AOAH: variants seen among roughly 807,000 people sequenced by gnomAD.
AOAH encodes the protein acyloxyacyl hydrolase (neutrophil).
AOAH carries 64 observed loss-of-function variants against 92.2 expected under a neutral mutation model. The observed-to-expected ratio is 0.69, with a 90% CI of 0.57 to 0.86. The LOEUF is 0.86. AOAH is among the 40% of genes least tolerant of loss of function. The pLI is 0.00. For missense variants in AOAH, 656 were observed against 694.6 expected, an observed-to-expected ratio of 0.94 and a Z score of 0.62; for synonymous variants, 263 against 254.5, an observed-to-expected ratio of 1.03 and a Z score of -0.32.
chr7:36,619,325 T>A (rs970429483), intron 9 of AOAH, among the ~76,000 whole-genome samples: 7 of 152,110 alleles, frequency 4.6e-5, no homozygotes, highest in African/African-American at 1.7e-4. Context: ...GATATGTCCT[T>A]CTCCCATCAC....
At chr7:36,605,972 C>T (rs1790971552) in intron 11 of AOAH, among the ~76,000 whole-genome samples, 1 of 152,234 alleles carries the variant, frequency 6.6e-6, no homozygotes, top group Non-Finnish European at 1.5e-5. Context: ...CACCTAGCAT[C>T]TTTAATCCGC....
intron 1 of AOAH, among the ~76,000 whole-genome samples, chr7:36,697,553 G>A (rs1158913448): frequency 6.6e-6 from 1 of 152,130 alleles, no homozygotes; most frequent in African/African-American, 2.4e-5. Context: ...AAAGTGAAAT[G>A]TGTTTCTTCC....
chr7:36,594,229 G>C, intron 12 of AOAH, 110 bp downstream of exon 12: 2 of 836,628 alleles, frequency 2.4e-6, no homozygotes, highest in South Asian at 3.0e-5. Flanking sequence ...TCATGTTCTA[G>C]AAGCAGTTCC....
At chr7:36,716,819 G>C (rs937896687) in intron 1 of AOAH, among the ~76,000 whole-genome samples, 1 of 151,750 alleles carries the variant, frequency 6.6e-6, no homozygotes, top group Non-Finnish European at 1.5e-5. Context: ...ACCGGGGCCT[G>C]TTGTGGGGTG....
chr7:36,672,037 G>C (rs1009000010), intron 3 of AOAH, among the ~76,000 whole-genome samples: 9 of 152,210 alleles, frequency 5.9e-5, no homozygotes. Context: ...CAATGGGCAA[G>C]TTTGTAGGCC....
At chr7:36,678,608 C>CGTGCGT (rs1554314450) in intron 2 of AOAH, among the ~76,000 whole-genome samples, 2 of 118,480 alleles carry the variant, frequency 1.7e-5, no homozygotes, top group East Asian at 2.5e-4. Flanking sequence ...TGTGCGCGCG[C>CGTGCGT]GCGCGCGTTA....
At chr7:36,718,880 C>A (rs1799433487) in intron 1 of AOAH, among the ~76,000 whole-genome samples, 1 of 152,064 alleles carries the variant, frequency 6.6e-6, no homozygotes, top group South Asian at 2.1e-4. Flanking sequence ...ATGCACAACT[C>A]ATGAATATAC....
chr7:36,607,241 C>T (rs3735389), intron 11 of AOAH, among the ~76,000 whole-genome samples: 2,466 of 152,294 alleles, frequency 0.016, 80 homozygotes, highest in East Asian at 0.094. Flanking sequence ...GAAGTATCAA[C>T]TAGCCTCATA....
intron 1 of AOAH, among the ~76,000 whole-genome samples, chr7:36,711,212 C>G (rs1798751262): frequency 6.6e-6 from 1 of 152,104 alleles, no homozygotes; most frequent in Admixed American, 6.6e-5. Context: ...TTCATTCTGT[C>G]TAGGAAAATA....
At chr7:36,653,354 C>G (rs1042922863) in intron 4 of AOAH, among the ~76,000 whole-genome samples, 4 of 152,116 alleles carry the variant, frequency 2.6e-5, no homozygotes, top group African/African-American at 9.7e-5. Context: ...TTATTTGACA[C>G]CTAGTGTTTA....
intron 12 of AOAH, among the ~76,000 whole-genome samples, chr7:36,577,935 C>T (rs1291777722): frequency 6.6e-6 from 1 of 152,160 alleles, no homozygotes; most frequent in Admixed American, 6.5e-5. Context: ...TATTACAGTG[C>T]TTGGCAACTG....
At chr7:36,523,639 T>TTTG (rs1265998003) in intron 19 of AOAH, among the ~76,000 whole-genome samples, 1 of 143,944 alleles carries the variant, frequency 6.9e-6, no homozygotes, top group African/African-American at 2.6e-5. Context: ...GTTTTTTTTT[T>TTTG]TTTTTTTTTT....
At chr7:36,674,050 C>A (rs190062574) in intron 2 of AOAH, 41 bp from the exon 3 acceptor site, 4 of 1,238,182 alleles carry the variant, frequency 3.2e-6, no homozygotes, top group Admixed American at 1.8e-5. Flanking sequence ...ATTTTTATTG[C>A]GACGAATTTA....
At position 36,614,384 on chromosome 7, in the gene AOAH, C is replaced by T. The variant is rs1257407457; in HGVS notation, c.846+1996G>A. Among the ~76,000 whole-genome samples, 2 of 152,202 alleles carry T rather than the reference C, an allele frequency of 1.3e-5. No homozygotes were observed. Among genetic ancestry groups the T allele is most frequent in the Non-Finnish European group, 2.9e-5 (2 of 68,042 alleles). On this transcript the variant is annotated intron_variant, in intron 11 of 20. Coordinates refer to ENST00000617537, the MANE Select transcript of AOAH (RefSeq NM_001637.4). The surrounding 1 kb of genome is among the most constrained non-coding windows in gnomAD (Gnocchi z 4.2). ...TGAGGTCCTTCGCTTAGAAAGGGCCCTGCACTGGGTTTAATGCTCTGCTGC... is the reference window on the plus strand; with the variant it reads ...TGAGGTCCTTCGCTTAGAAAGGGCCTTGCACTGGGTTTAATGCTCTGCTGC...
chr7:36,589,983 GC>G (rs1164374338), intron 12 of AOAH, among the ~76,000 whole-genome samples: 10 of 151,656 alleles, frequency 6.6e-5, no homozygotes, highest in African/African-American at 2.4e-4. Flanking sequence ...TTGTTCTGTT[GC>G]CCAGGCTGGA....
At chr7:36,557,368 G>A (rs978728119) in intron 13 of AOAH, among the ~76,000 whole-genome samples, 1 of 152,234 alleles carries the variant, frequency 6.6e-6, no homozygotes, top group Non-Finnish European at 1.5e-5. Flanking sequence ...TTAGTCTGAT[G>A]TGCTTCTCTT....
At chr7:36,720,811 C>T (rs1015524502) in intron 1 of AOAH, among the ~76,000 whole-genome samples, 3 of 38,394 alleles carry the variant, frequency 7.8e-5, no homozygotes, top group Non-Finnish European at 1.5e-4. Flanking sequence ...CTCGCATATT[C>T]AGTGGCCATG....
intron 15 of AOAH, among the ~76,000 whole-genome samples, chr7:36,547,967 C>T (rs1028353434): frequency 6.6e-6 from 1 of 151,878 alleles, no homozygotes; most frequent in Admixed American, 6.6e-5. Flanking sequence ...TGAGTGAGAT[C>T]GATGTTCTTA....
intron 3 of AOAH, among the ~76,000 whole-genome samples, chr7:36,668,106 G>A (rs781390103): frequency 2.9e-4 from 44 of 152,156 alleles, no homozygotes; most frequent in African/African-American, 5.1e-4. Context: ...ATTTGTTACC[G>A]TTGTTCTTTG....
Sources: allele counts gnomAD v4.1 joint callset (sites outside exome capture counted in the v4.1 genomes callset), GRCh38; gene constraint gnomAD v4.1.1; non-coding constraint Gnocchi (gnomAD v3.1); transcripts MANE v1.5; gene names NCBI Gene and HGNC (gene_info 2026-07-23, HGNC 2026-07-21).